The following ADGRL3 variants were observed in gnomAD, a reference collection of about 807,000 sequenced individuals.
ADGRL3 encodes the protein adhesion G protein-coupled receptor L3.
A neutral mutation model predicts 153.5 loss-of-function variants in ADGRL3; 62 were observed. The observed-to-expected ratio is 0.40, with a 90% CI of 0.33 to 0.50. The LOEUF is 0.50. Ranked by LOEUF, ADGRL3 falls within the 20% of genes least tolerant of loss-of-function variation. The probability of loss-of-function intolerance (pLI) is 0.47; values close to 1 mark genes in which losing one functional copy is unlikely to be tolerated. For synonymous variants in ADGRL3, 710 were observed against 672.5 expected (o/e 1.06, Z -0.86); for missense variants, 1,641 against 1,859.4 (o/e 0.88, Z 2.16).
At chr4:61,423,716 CT>C (rs1268289954) in intron 2 of ADGRL3, among the ~76,000 whole-genome samples, 1 of 152,108 alleles carries the variant, frequency 6.6e-6, no homozygotes, top group Non-Finnish European at 1.5e-5. Flanking sequence ...AGGTTTCAGA[CT>C]TTTAAAGCCT....
chr4:61,924,493 T>C (rs1462124046), intron 13 of ADGRL3, among the ~76,000 whole-genome samples: 1 of 152,176 alleles, frequency 6.6e-6, no homozygotes, highest in Non-Finnish European at 1.5e-5. Context: ...CTCAATATCT[T>C]CACTTTGTTG....
rs1747428288 is a variant in ADGRL3 at position 62,077,190 on chromosome 4, A to G, written c.*6282A>G. The stretch of plus-strand genomic sequence containing the variant: ...ACTAAAGGAAAGCGTTTGAAAGAAG[A>G]GGAAAGTAAAGCAGACTTCTAACTA... On this transcript the variant is annotated 3_prime_UTR_variant, in exon 27 of 27. Transcript: ENST00000683033. 6.6e-6 allele frequency: 1 copy of G among 151,966 alleles called. No homozygotes were observed. The highest frequency in any genetic ancestry group is 2.4e-5 in the African/African-American group (1 of 41,434). The allele number at this position is 151,966 out of a possible 1,614,324, so 9.4% of individuals were successfully genotyped here.
intron 25 of ADGRL3, among the ~76,000 whole-genome samples, chr4:62,050,805 T>TAACCAGCTCCTAATATAATCTG (rs2151753079): frequency 6.6e-6 from 1 of 152,028 alleles, no homozygotes; most frequent in African/African-American, 2.4e-5. Context: ...TTGTAAATAT[T>TAACCAGCTCCTAATATAATCTG]AACCAGCTCC....
intron 9 of ADGRL3, among the ~76,000 whole-genome samples, chr4:61,889,983 G>A (rs2098562408): frequency 1.3e-5 from 2 of 152,236 alleles, no homozygotes; most frequent in South Asian, 2.1e-4. Flanking sequence ...TCCTCGAGAA[G>A]GGAAAGAAGA....
chr4:61,734,257 C>A (rs1402175553), intron 8 of ADGRL3, among the ~76,000 whole-genome samples: 1 of 150,028 alleles, frequency 6.7e-6, no homozygotes. Flanking sequence ...ATTTTTTTTT[C>A]ATTTTTATGT....
rs1415107614 is a variant in ADGRL3, at chr4:61,973,966, T to C, written c.2806-5597T>C. The stretch of plus-strand genomic sequence containing the variant: ...CTGCTTTCTTCGGATGCTTTGGACA[T>C]TTTTTGTTTTGTTTTCTCCCAGACA... On this transcript the variant is annotated intron_variant, in intron 17 of 26. Coordinates refer to ENST00000683033, the MANE Select transcript of ADGRL3 (RefSeq NM_001387552.1). Among the ~76,000 whole-genome samples the C allele has an allele frequency of 2.0e-5, 3 of 152,214 alleles. No individual in the cohort carries two copies. The East Asian group carries it at 5.8e-4, about 29-fold the overall frequency.
intron 24 of ADGRL3, among the ~76,000 whole-genome samples, chr4:62,042,820 A>G (rs1451219366): frequency 2.0e-5 from 3 of 152,098 alleles, no homozygotes; most frequent in South Asian, 4.1e-4. Context: ...GTATGGCACA[A>G]TTAATTATTA....
At chr4:61,779,877 C>T (rs2097194941) in intron 8 of ADGRL3, among the ~76,000 whole-genome samples, 1 of 151,960 alleles carries the variant, frequency 6.6e-6, no homozygotes, top group African/African-American at 2.4e-5. Context: ...CTATATAAAT[C>T]ACCCCGGGAT....
intron 8 of ADGRL3, among the ~76,000 whole-genome samples, chr4:61,795,222 G>A (rs561340234): frequency 3.9e-5 from 6 of 152,222 alleles, no homozygotes; most frequent in African/African-American, 1.4e-4. Flanking sequence ...CGAACTTCTA[G>A]GCTCAAACAA....
At chr4:61,921,197 G>A (rs1426570934) in intron 13 of ADGRL3, among the ~76,000 whole-genome samples, 1 of 151,910 alleles carries the variant, frequency 6.6e-6, no homozygotes, top group Non-Finnish European at 1.5e-5. Context: ...TACCTTTTAA[G>A]TAATTTTTTG....
intron 1 of ADGRL3, among the ~76,000 whole-genome samples, chr4:61,325,792 C>T (rs1306034978): frequency 6.6e-6 from 1 of 151,906 alleles, no homozygotes; most frequent in Non-Finnish European, 1.5e-5. Context: ...AAATTATTGT[C>T]ATTTGAACTA....
intron 9 of ADGRL3, among the ~76,000 whole-genome samples, chr4:61,890,457 C>A (rs2098568464): frequency 6.6e-6 from 1 of 151,288 alleles, no homozygotes; most frequent in Non-Finnish European, 1.5e-5. Context: ...GGGCCCACAA[C>A]TGGCAAAAGT....
intron 5 of ADGRL3, among the ~76,000 whole-genome samples, chr4:61,663,667 GT>G (rs1190992367): frequency 3.3e-5 from 5 of 152,154 alleles, no homozygotes; most frequent in African/African-American, 4.8e-5. Context: ...AGCTACAGAG[GT>G]TTCTGTATGG....
rs371108012 is a variant in ADGRL3 at position 61,750,452 on chromosome 4, C to T, written c.1399+16898C>T. Among the ~76,000 whole-genome samples, 5 of 152,062 alleles carry T rather than the reference C, an allele frequency of 3.3e-5. No homozygotes were observed. The East Asian group carries it at 9.7e-4, about 29-fold the overall frequency. On this transcript the variant is annotated intron_variant, in intron 8 of 26. Coordinates refer to ENST00000683033, the MANE Select transcript of ADGRL3 (RefSeq NM_001387552.1). ...TCAGGGATTTAAAAGAATACAGGTGCCACAACTGAAAAACAAGGTAAGGAA... is the reference window on the plus strand; with the variant it reads ...TCAGGGATTTAAAAGAATACAGGTGTCACAACTGAAAAACAAGGTAAGGAA...
rs2098851950 is a variant in ADGRL3 at position 61,938,786 on chromosome 4, C to A, written c.2419+2741C>A. Among the ~76,000 whole-genome samples the A allele has an allele frequency of 2.9e-5, 4 of 136,628 alleles. No individual in the cohort carries two copies. In the South Asian group the frequency reaches 9.6e-4, roughly 33 times the overall value. 89.6% of individuals were successfully genotyped at this position (136,628 alleles called of 152,430 possible). ...TAAGCTAGGAAAGCAAATATATGTCCATTTTGTGTCTATAAATTCTGAAAA... is the reference window on the plus strand; with the variant it reads ...TAAGCTAGGAAAGCAAATATATGTCAATTTTGTGTCTATAAATTCTGAAAA... On this transcript the variant is annotated intron_variant, in intron 15 of 26. Coordinates refer to ENST00000683033, the MANE Select transcript of ADGRL3 (RefSeq NM_001387552.1).
chr4:61,289,360 A>G (rs1303259493), intron 1 of ADGRL3, among the ~76,000 whole-genome samples: 1 of 152,032 alleles, frequency 6.6e-6, no homozygotes, highest in Non-Finnish European at 1.5e-5. Flanking sequence ...TTTGTATCTG[A>G]TTAATAAGAT....
chr4:61,730,238 G>A (rs1228638763), intron 6 of ADGRL3, among the ~76,000 whole-genome samples: 1 of 151,854 alleles, frequency 6.6e-6, no homozygotes, highest in Non-Finnish European at 1.5e-5. Flanking sequence ...ATATTTATAA[G>A]TGAGACTAGT....
At chr4:61,362,345 T>TACAC (rs773503277) in intron 1 of ADGRL3, among the ~76,000 whole-genome samples, 1 of 149,826 alleles carries the variant, frequency 6.7e-6, no homozygotes, top group African/African-American at 2.5e-5. Context: ...TATATATATA[T>TACAC]ACACACACAC....
chr4:61,456,401 ATC>A (rs1208837630), intron 2 of ADGRL3, among the ~76,000 whole-genome samples: 8 of 77,926 alleles, frequency 1.0e-4, no homozygotes, highest in South Asian at 4.9e-4. Context: ...ATATATCTAT[ATC>A]TATATATATA....
Sources: allele counts gnomAD v4.1 joint callset (sites outside exome capture counted in the v4.1 genomes callset), GRCh38; gene constraint gnomAD v4.1.1; transcripts MANE v1.5; gene names NCBI Gene and HGNC (gene_info 2026-07-23, HGNC 2026-07-21).